SLC22A3: variants seen among roughly 807,000 people sequenced by gnomAD.
SLC22A3 encodes the protein EMT organic cation transporter 3.
SLC22A3 carries 51 observed loss-of-function variants against 59.1 expected under a neutral mutation model. The ratio of observed to expected loss-of-function variants is 0.86; its 90% confidence interval spans 0.69 to 1.09. SLC22A3 has a LOEUF of 1.09. Ranked by LOEUF, SLC22A3 falls within the 50% of genes least tolerant of loss-of-function variation. The probability of loss-of-function intolerance (pLI) is 0.00; values close to 1 mark genes in which losing one functional copy is unlikely to be tolerated. For missense variants in SLC22A3, 711 were observed against 726.3 expected (o/e 0.98, Z 0.24); for synonymous variants, 325 against 292.0 (o/e 1.11, Z -1.15).
chr6:160,443,148 C>T (rs555627036), intron 8 of SLC22A3, among the ~76,000 whole-genome samples: 5 of 152,354 alleles, frequency 3.3e-5, no homozygotes, highest in African/African-American at 4.8e-5. Context: ...CCTCTAGGTG[C>T]CCTTGCTTAG....
intron 8 of SLC22A3, among the ~76,000 whole-genome samples, chr6:160,443,276 G>A (rs1442342091): frequency 6.6e-6 from 1 of 152,212 alleles, no homozygotes; most frequent in African/African-American, 2.4e-5. Flanking sequence ...AAATGAAACA[G>A]TGTGCACGGA....
At chr6:160,367,089 C>A (rs760932878) in intron 1 of SLC22A3, among the ~76,000 whole-genome samples, 7 of 152,138 alleles carry the variant, frequency 4.6e-5, no homozygotes, top group Non-Finnish European at 8.8e-5. Flanking sequence ...TTAGTCCATT[C>A]TTATGCTGCT....
intron 1 of SLC22A3, among the ~76,000 whole-genome samples, chr6:160,373,882 C>G (rs117270468): frequency 6.6e-6 from 1 of 152,120 alleles, no homozygotes; most frequent in African/African-American, 2.4e-5. Context: ...TGTCCCAGGT[C>G]GATTTCAGAC....
At chr6:160,375,029 C>T (rs949685071) in intron 1 of SLC22A3, among the ~76,000 whole-genome samples, 1 of 152,276 alleles carries the variant, frequency 6.6e-6, no homozygotes, top group Admixed American at 6.5e-5. Flanking sequence ...CCACTTCCGT[C>T]CTAATGGGGA....
intron 1 of SLC22A3, among the ~76,000 whole-genome samples, chr6:160,367,310 A>G (rs1463342716): frequency 6.6e-6 from 1 of 152,158 alleles, no homozygotes; most frequent in Non-Finnish European, 1.5e-5. Context: ...TAACTCATTC[A>G]CTATTATGAG....
chr6:160,360,786 G>A (rs1784988550), intron 1 of SLC22A3, among the ~76,000 whole-genome samples: 1 of 151,990 alleles, frequency 6.6e-6, no homozygotes, highest in South Asian at 2.1e-4. Flanking sequence ...AACCAATGTA[G>A]TCTTTTTTAC....
chr6:160,390,568 T>G (rs897382471), intron 1 of SLC22A3, among the ~76,000 whole-genome samples: 2 of 151,282 alleles, frequency 1.3e-5, no homozygotes, highest in African/African-American at 4.9e-5. Flanking sequence ...ACCTGAGAGG[T>G]GGGAAAAAGA....
chr6:160,416,304 G>C (rs186029499), intron 5 of SLC22A3, among the ~76,000 whole-genome samples: 2 of 152,116 alleles, frequency 1.3e-5, no homozygotes, highest in Non-Finnish European at 2.9e-5. Context: ...GAAGTGGCTT[G>C]AGCTCCTAGG....
intron 1 of SLC22A3, among the ~76,000 whole-genome samples, chr6:160,367,305 C>T (rs1441983907): frequency 6.6e-6 from 1 of 152,076 alleles, no homozygotes; most frequent in Non-Finnish European, 1.5e-5. Context: ...CGTGATAACT[C>T]ATTCACTATT....
chr6:160,398,963 T>C (rs1786639401), intron 2 of SLC22A3, among the ~76,000 whole-genome samples: 1 of 152,204 alleles, frequency 6.6e-6, no homozygotes, highest in African/African-American at 2.4e-5. Context: ...ATTCAGTGGG[T>C]GATACTAAGT....
intron 2 of SLC22A3, among the ~76,000 whole-genome samples, chr6:160,400,084 A>ATTT (rs760874011): frequency 8.4e-5 from 8 of 95,438 alleles, no homozygotes; most frequent in African/African-American, 1.2e-4. Context: ...AGCTTTTGTG[A>ATTT]TTTTTTTTTT....
rs381908 is a variant in SLC22A3 at position 160,431,763 on chromosome 6, T to A, written c.976-5017T>A. On this transcript the variant is annotated intron_variant, in intron 5 of 10. Coordinates refer to ENST00000275300, the MANE Select transcript of SLC22A3 (RefSeq NM_021977.4). The stretch of plus-strand genomic sequence containing the variant: ...AAAAAAATTGCCTAAAATATTCAGT[T>A]ATTAAAGGAAAAGCATTGTTCTGGA... 1.6e-4 allele frequency among the ~76,000 whole-genome samples: 24 copies of A among 152,344 alleles called. No individual in the cohort carries two copies. The East Asian group carries it at 3.9e-3, about 24-fold the overall frequency.
Position 160,408,922 on chromosome 6 carries a change from G to T in SLC22A3, c.857+1G>T. On this transcript the variant is annotated splice_donor_variant, in intron 4 of 10. Transcript: ENST00000275300. LOFTEE classifies it high-confidence loss of function. Reference sequence around the variant, plus strand: ...GCTTTCTCTTCCTCCTTTATTACTGGTAATGTGGTTTTGGTTATCATCATA... The same window carrying T: ...GCTTTCTCTTCCTCCTTTATTACTGTTAATGTGGTTTTGGTTATCATCATA... The T allele has an allele frequency of 6.2e-7, 1 of 1,612,604 alleles. No individual in the cohort carries two copies. Among genetic ancestry groups the T allele is most frequent in the Non-Finnish European group, 8.5e-7 (1 of 1,179,342 alleles).
chr6:160,390,472 G>A (rs1049434232), intron 1 of SLC22A3, among the ~76,000 whole-genome samples: 1 of 152,176 alleles, frequency 6.6e-6, no homozygotes, highest in African/African-American at 2.4e-5. Flanking sequence ...ACTGGTCAGA[G>A]TCTGTCCTGA....
intron 1 of SLC22A3, among the ~76,000 whole-genome samples, chr6:160,384,319 T>C (rs548553102): frequency 3.3e-5 from 5 of 152,350 alleles, no homozygotes; most frequent in African/African-American, 9.6e-5. Context: ...CTGAGGATGA[T>C]TGTATATACA....
intron 8 of SLC22A3, among the ~76,000 whole-genome samples, 181 bp downstream of exon 8, chr6:160,443,050 G>T (rs946636510): frequency 2.0e-5 from 3 of 152,234 alleles, no homozygotes; most frequent in African/African-American, 7.2e-5. Context: ...GCTGCCTGCT[G>T]CATTTTGTGA....
chr6:160,448,584 AG>A (rs1242283269), intron 10 of SLC22A3, among the ~76,000 whole-genome samples: 1 of 152,138 alleles, frequency 6.6e-6, no homozygotes, highest in Non-Finnish European at 1.5e-5. Context: ...TGAGTTTTGG[AG>A]GGGGGTGTTT....
chr6:160,430,252 C>T (rs1169932853), intron 5 of SLC22A3, among the ~76,000 whole-genome samples: 3 of 151,724 alleles, frequency 2.0e-5, no homozygotes, highest in Admixed American at 1.3e-4. Context: ...TTATTATTCT[C>T]CTGCTACTGA....
At chr6:160,360,075 C>A (rs888980129) in intron 1 of SLC22A3, among the ~76,000 whole-genome samples, 4 of 152,138 alleles carry the variant, frequency 2.6e-5, no homozygotes, top group Admixed American at 2.0e-4. Flanking sequence ...GCATGCTATA[C>A]AATTATTTTT....
Sources: allele counts gnomAD v4.1 joint callset (sites outside exome capture counted in the v4.1 genomes callset), GRCh38; gene constraint gnomAD v4.1.1; transcripts MANE v1.5; gene names NCBI Gene and HGNC (gene_info 2026-07-23, HGNC 2026-07-21).